JAM3: variants seen among roughly 807,000 people sequenced by gnomAD.
The protein encoded by JAM3 is junctional adhesion molecule 3.
Under a neutral mutation model 39.4 loss-of-function variants are expected in JAM3, and 31 were observed. The ratio of observed to expected loss-of-function variants is 0.79; its 90% CI spans 0.59 to 1.06. The LOEUF (loss-of-function observed/expected upper bound fraction) is 1.06, where lower values mean the gene tolerates loss of function less well. Ranked by LOEUF, JAM3 falls within the 50% of genes least tolerant of loss-of-function variation. JAM3 has a pLI of 0.00. For synonymous variants in JAM3, 182 were observed against 148.7 expected (o/e 1.22, Z -1.63); for missense variants, 455 against 391.4 (o/e 1.16, Z -1.37).
intron 1 of JAM3, among the ~76,000 whole-genome samples, chr11:134,101,868 A>T (rs1942080630): frequency 6.6e-6 from 1 of 152,034 alleles, no homozygotes; most frequent in Non-Finnish European, 1.5e-5. Context: ...GGAGTTTGAG[A>T]CTAGCTTGGG....
intron 2 of JAM3, 67 bp downstream of exon 2, chr11:134,139,983 A>G (rs1383007153): frequency 8.3e-7 from 1 of 1,198,986 alleles, no homozygotes; most frequent in Non-Finnish European, 1.2e-6. Context: ...CTTGCAGCCA[A>G]CTCAGGACAC....
intron 6 of JAM3, among the ~76,000 whole-genome samples, chr11:134,146,411 C>A (rs200430993): frequency 6.6e-6 from 1 of 151,866 alleles, no homozygotes; most frequent in African/African-American, 2.4e-5. Flanking sequence ...AGAAAACTGA[C>A]AGTTTTAGCC....
rs532563333 is a variant in JAM3 at position 134,091,086 on chromosome 11, T to C, written c.76+21927T>C. Among the ~76,000 whole-genome samples the C allele has an allele frequency of 3.3e-5, 5 of 152,244 alleles. No homozygotes were observed. In the East Asian group the frequency reaches 9.7e-4, roughly 29 times the overall value. ...CAATAGTGTCAGTGGTATTTTCCAT[T>C]TGAAATGTGATGGAACTGAGAGACA... On this transcript the variant is annotated intron_variant, in intron 1 of 8. Transcript: ENST00000299106.
At chr11:134,124,509 A>C (rs1248382649) in intron 1 of JAM3, among the ~76,000 whole-genome samples, 1 of 152,314 alleles carries the variant, frequency 6.6e-6, no homozygotes, top group East Asian at 1.9e-4. Flanking sequence ...CAAGATAAGC[A>C]AAGTATTTAG....
intron 1 of JAM3, among the ~76,000 whole-genome samples, chr11:134,077,463 A>G (rs1941589239): frequency 6.6e-6 from 1 of 150,870 alleles, no homozygotes; most frequent in Non-Finnish European, 1.5e-5. Flanking sequence ...TCCTGGGTTC[A>G]AGTGATTCTC....
intron 1 of JAM3, chr11:134,123,759 A>G (rs977659794): frequency 3.0e-6 from 2 of 656,310 alleles, no homozygotes; most frequent in African/African-American, 1.8e-5. Context: ...CCAGATTCAC[A>G]TTTCCAGGTA....
chr11:134,105,621 A>G (rs1473046838), intron 1 of JAM3, among the ~76,000 whole-genome samples: 3 of 152,220 alleles, frequency 2.0e-5, no homozygotes, highest in Non-Finnish European at 4.4e-5. Context: ...TCAGCCCAAA[A>G]TCTCCTTAAG....
chr11:134,129,984 AGAGT>A (rs904006605), intron 1 of JAM3, among the ~76,000 whole-genome samples: 2 of 152,040 alleles, frequency 1.3e-5, no homozygotes, highest in African/African-American at 4.8e-5. Flanking sequence ...CCTTGGTTAC[AGAGT>A]GAGATTCTGT....
intron 2 of JAM3, 71 bp from the exon 3 acceptor site, chr11:134,140,586 G>C (rs763208766): frequency 4.7e-4 from 589 of 1,241,128 alleles, no homozygotes; most frequent in Middle Eastern, 9.3e-4. Context: ...AGAGCTTGCA[G>C]GGTCTGGGTG....
chr11:134,092,964 A>G (rs1468161130), intron 1 of JAM3, among the ~76,000 whole-genome samples: 6 of 125,650 alleles, frequency 4.8e-5, no homozygotes, highest in East Asian at 2.5e-4. Context: ...ACTCCCTGAG[A>G]GAAGCTTCTC....
chr11:134,106,541 C>T (rs978456610), intron 1 of JAM3, among the ~76,000 whole-genome samples: 4 of 152,176 alleles, frequency 2.6e-5, no homozygotes, highest in Non-Finnish European at 5.9e-5. Context: ...AAACTACCAT[C>T]AGAGTGAACA....
At chr11:134,118,812 T>C (rs765024499) in intron 1 of JAM3, among the ~76,000 whole-genome samples, 22 of 152,336 alleles carry the variant, frequency 1.4e-4, no homozygotes, top group Middle Eastern at 3.4e-3. Context: ...TTTCCACTTA[T>C]GCTTTAAAAG....
intron 1 of JAM3, among the ~76,000 whole-genome samples, chr11:134,086,273 C>T (rs547895769): frequency 6.6e-6 from 1 of 152,254 alleles, no homozygotes; most frequent in Non-Finnish European, 1.5e-5. Context: ...CTATAGGTTA[C>T]AATTCTAATT....
rs141631659 is a variant in JAM3, at chr11:134,083,140, GCTTA to G, written c.76+13985_76+13988del. On this transcript the variant is annotated intron_variant, in intron 1 of 8. Coordinates refer to ENST00000299106, the MANE Select transcript of JAM3 (RefSeq NM_032801.5). Reference sequence around the variant, plus strand: ...AGATTATGCATGTAATTTTAGAGATGCTTACTTCTGTGATTTTCACAGTGTTTCA... The same window carrying G: ...AGATTATGCATGTAATTTTAGAGATGCTTCTGTGATTTTCACAGTGTTTCA... Among the ~76,000 whole-genome samples, 500 of 152,288 alleles carry G rather than the reference GCTTA, an allele frequency of 3.3e-3. 2 individuals carry two copies. The highest frequency in any genetic ancestry group is 0.011 in the African/African-American group (457 of 41,556).
chr11:134,146,725 G>C (rs1314726021), intron 6 of JAM3, among the ~76,000 whole-genome samples: 1 of 152,034 alleles, frequency 6.6e-6, no homozygotes, highest in African/African-American at 2.4e-5. Flanking sequence ...ACACCACCAT[G>C]CTCAGCTAAT....
chr11:134,090,325 C>T (rs549729050), intron 1 of JAM3, among the ~76,000 whole-genome samples: 1 of 152,174 alleles, frequency 6.6e-6, no homozygotes, highest in Non-Finnish European at 1.5e-5. Flanking sequence ...TCCCATTTGT[C>T]AATTTTAGCT....
rs1391248467 is a variant in JAM3 at position 134,151,095 on chromosome 11, GAGA to G, written c.*1917_*1919del. 1 of 152,296 alleles carries G rather than the reference GAGA, an allele frequency of 6.6e-6. No individual in the cohort carries two copies. Among genetic ancestry groups the G allele is most frequent in the Non-Finnish European group, 1.5e-5 (1 of 68,060 alleles). 9.4% of individuals were successfully genotyped at this position (152,296 alleles called of 1,614,324 possible). On this transcript the variant is annotated 3_prime_UTR_variant, in exon 9 of 9. Coordinates refer to ENST00000299106, the MANE Select transcript of JAM3 (RefSeq NM_032801.5). ...AAGTGCTGTAAAGCAAGGAGCTGCT[GAGA>G]AGGAGCACTCCACTGTGTGCCTGGA...
intron 1 of JAM3, among the ~76,000 whole-genome samples, chr11:134,113,124 A>T (rs953444785): frequency 6.6e-6 from 1 of 151,720 alleles, no homozygotes; most frequent in African/African-American, 2.4e-5. Context: ...TAAATGTTTT[A>T]CTCAATGAAT....
intron 1 of JAM3, among the ~76,000 whole-genome samples, chr11:134,128,261 G>A (rs1453633562): frequency 6.6e-6 from 1 of 152,136 alleles, no homozygotes; most frequent in Non-Finnish European, 1.5e-5. Flanking sequence ...CTGCTCACCT[G>A]CAGAGACAGC....
Sources: allele counts gnomAD v4.1 joint callset (sites outside exome capture counted in the v4.1 genomes callset), GRCh38; gene constraint gnomAD v4.1.1; transcripts MANE v1.5; gene names NCBI Gene and HGNC (gene_info 2026-07-23, HGNC 2026-07-21).